Variants in ZFHX3 observed in about 807,000 individuals in gnomAD.
ZFHX3 encodes zinc finger homeobox 3.
A neutral mutation model predicts 279.1 loss-of-function variants in ZFHX3; 42 were observed. That is an observed-to-expected ratio of 0.15 (90% confidence interval 0.12 to 0.19). The LOEUF (loss-of-function observed/expected upper bound fraction) is 0.19. Among genes scored for constraint, ZFHX3 ranks in the 10% least tolerant of loss-of-function variants. The pLI is 1.00. For missense variants in ZFHX3, 4,981 were observed against 4,754.0 expected (o/e 1.05, Z -1.40); for synonymous variants, 2,293 against 1,957.8 (o/e 1.17, Z -4.52).
chr16:73,606,794 C>T (rs2052189555), intron 2 of ZFHX3, among the ~76,000 whole-genome samples: 1 of 152,218 alleles, frequency 6.6e-6, no homozygotes, highest in Non-Finnish European at 1.5e-5. Flanking sequence ...CATGTGTTCT[C>T]ATTGGTCAGT....
chr16:72,939,522 C>T (rs1365724815), intron 3 of ZFHX3, among the ~76,000 whole-genome samples: 4 of 152,208 alleles, frequency 2.6e-5, no homozygotes, highest in African/African-American at 4.8e-5. Context: ...GACACAGACT[C>T]GCTCCCAAGG....
At chr16:73,070,572 CG>C (rs1260355436) in intron 8 of ZFHX3, among the ~76,000 whole-genome samples, 2 of 152,184 alleles carry the variant, frequency 1.3e-5, no homozygotes, top group African/African-American at 4.8e-5. Context: ...TTGCCGAGGA[CG>C]CAGCAGAGAG....
chr16:73,105,364 T>TAG (rs765197468), intron 7 of ZFHX3, among the ~76,000 whole-genome samples: 2 of 76,906 alleles, frequency 2.6e-5, no homozygotes, highest in Non-Finnish European at 5.2e-5. Flanking sequence ...CACATATATA[T>TAG]ACACACATAT....
chr16:73,160,651 G>C (rs1967207931), intron 5 of ZFHX3, among the ~76,000 whole-genome samples: 1 of 151,938 alleles, frequency 6.6e-6, no homozygotes, highest in African/African-American at 2.4e-5. Flanking sequence ...CTTGGTTCAA[G>C]GTAGCATCTT....
chr16:73,403,705 G>A (rs1052065918), intron 3 of ZFHX3, among the ~76,000 whole-genome samples: 5 of 152,190 alleles, frequency 3.3e-5, no homozygotes, highest in African/African-American at 9.6e-5. Flanking sequence ...AAGGCTGGCC[G>A]GTGGCGAACA....
chr16:73,058,435 G>A (rs1205252091), intron 1 of ZFHX3: 1 of 182,610 alleles, frequency 5.5e-6, no homozygotes, highest in Non-Finnish European at 1.1e-5. Context: ...GGCGCCCCGA[G>A]GAGCCCCGCG....
At chr16:73,740,123 T>C (rs1051443446) in intron 1 of ZFHX3, among the ~76,000 whole-genome samples, 3 of 152,204 alleles carry the variant, frequency 2.0e-5, no homozygotes, top group Non-Finnish European at 2.9e-5. Context: ...TAATTAAATG[T>C]CAACCCCCAG....
intron 4 of ZFHX3, among the ~76,000 whole-genome samples, chr16:73,289,722 A>G (rs1276349967): frequency 6.6e-6 from 1 of 152,030 alleles, no homozygotes; most frequent in Non-Finnish European, 1.5e-5. Flanking sequence ...GGCTAAAGAG[A>G]CAAAACAACC....
chr16:73,620,787 C>A (rs1197021239), intron 2 of ZFHX3, among the ~76,000 whole-genome samples: 1 of 152,218 alleles, frequency 6.6e-6, no homozygotes, highest in Non-Finnish European at 1.5e-5. Flanking sequence ...CTAAAATTGG[C>A]TAAAAATCAA....
chr16:73,712,414 T>A (rs934697756), intron 1 of ZFHX3, among the ~76,000 whole-genome samples: 1 of 152,008 alleles, frequency 6.6e-6, no homozygotes, highest in African/African-American at 2.4e-5. Flanking sequence ...GCCTCTGAAA[T>A]CTCTGACCCT....
intron 3 of ZFHX3, among the ~76,000 whole-genome samples, chr16:73,348,541 G>A (rs950902421): frequency 1.1e-4 from 17 of 152,218 alleles, no homozygotes; most frequent in African/African-American, 3.9e-4. Flanking sequence ...TTCCACGGGC[G>A]TTTCTACTGA....
At chr16:72,901,936 T>TA (rs1467116763) in intron 3 of ZFHX3, among the ~76,000 whole-genome samples, 2 of 152,172 alleles carry the variant, frequency 1.3e-5, no homozygotes, top group African/African-American at 4.8e-5. Flanking sequence ...TAAGTCTCAT[T>TA]AAAAGCCGAT....
intron 4 of ZFHX3, among the ~76,000 whole-genome samples, chr16:72,852,385 G>A (rs34914030): frequency 0.013 from 1,961 of 152,246 alleles, 16 homozygotes; most frequent in Non-Finnish European, 0.019. Context: ...GATTAAAAGT[G>A]GAGCGCACTC....
At chr16:73,245,109 C>A (rs1021950891) in intron 5 of ZFHX3, among the ~76,000 whole-genome samples, 5 of 152,176 alleles carry the variant, frequency 3.3e-5, no homozygotes, top group Non-Finnish European at 2.9e-5. Context: ...ACAATGATAA[C>A]TAATTTAGAA....
chr16:73,100,053 A>G (rs1208686818), intron 7 of ZFHX3, among the ~76,000 whole-genome samples: 4 of 152,182 alleles, frequency 2.6e-5, no homozygotes, highest in Non-Finnish European at 5.9e-5. Flanking sequence ...GGCAAGGGGA[A>G]TTCAGACGAA....
At chr16:72,800,154 C>T in intron 7 of ZFHX3, 25 bp from the exon 8 acceptor site, 2 of 1,585,616 alleles carry the variant, frequency 1.3e-6, no homozygotes. Flanking sequence ...CAAGGAGAGT[C>T]AAATGGAGAG....
intron 3 of ZFHX3, among the ~76,000 whole-genome samples, chr16:73,447,076 G>T (rs1228912608): frequency 6.6e-6 from 1 of 151,666 alleles, no homozygotes; most frequent in African/African-American, 2.4e-5. Flanking sequence ...AGCTACTCGG[G>T]AGGCTGAGGC....
intron 4 of ZFHX3, among the ~76,000 whole-genome samples, chr16:73,265,572 C>G (rs1207731238): frequency 6.6e-6 from 1 of 152,068 alleles, no homozygotes; most frequent in African/African-American, 2.4e-5. Context: ...GTGGTTTCAC[C>G]CGTTCCCATC....
At chr16:73,763,985 C>T in intron 1 of ZFHX3, among the ~76,000 whole-genome samples, 1 of 152,152 alleles carries the variant, frequency 6.6e-6, no homozygotes, top group East Asian at 1.9e-4. Flanking sequence ...AAGAACACAG[C>T]CCAACCAACA....
Sources: allele counts gnomAD v4.1 joint callset (sites outside exome capture counted in the v4.1 genomes callset), GRCh38; gene constraint gnomAD v4.1.1; transcripts MANE v1.5; gene names NCBI Gene and HGNC (gene_info 2026-07-23, HGNC 2026-07-21).